PFN2: variants seen among roughly 807,000 people sequenced by gnomAD.
PFN2 encodes the protein profilin-2.
Under a neutral mutation model 15.3 loss-of-function variants are expected in PFN2, and 8 were observed. The ratio of observed to expected loss-of-function variants is 0.52; its 90% CI spans 0.31 to 0.95. PFN2 has a LOEUF of 0.95. Ranked by LOEUF, PFN2 falls within the 40% of genes least tolerant of loss-of-function variation. The pLI is 0.05. For synonymous variants in PFN2, 79 were observed against 67.9 expected, an observed-to-expected ratio of 1.16 and a Z score of -0.81; for missense variants, 111 against 182.3, an observed-to-expected ratio of 0.61 and a Z score of 2.25.
At chr3:149,969,929 T>C (rs543850699) in intron 1 of PFN2, among the ~76,000 whole-genome samples, 2 of 152,128 alleles carry the variant, frequency 1.3e-5, no homozygotes, top group African/African-American at 2.4e-5. Flanking sequence ...TCGCAGATAA[T>C]TGAAAGCCCC....
intron 1 of PFN2, 184 bp from the exon 2 acceptor site, chr3:149,968,734 A>C: frequency 1.8e-6 from 1 of 560,216 alleles, no homozygotes. Flanking sequence ...ATCCTATATA[A>C]TCACATATTT....
chr3:149,965,628 A>C lies in PFN2; in HGVS notation c.*861T>G. ...TGCAGCTCTCAATAGCTCATCAACA[A>C]AAGGGATTTTAATTGGTTAAAAAAA... On this transcript the variant is annotated 3_prime_UTR_variant, in exon 3 of 3. Transcript: ENST00000239940. 2 of 1,084,038 alleles carry C rather than the reference A, an allele frequency of 1.8e-6. No homozygotes were observed. Among genetic ancestry groups the C allele is most frequent in the East Asian group, 5.8e-5 (1 of 17,154 alleles). The allele number at this position is 1,084,038 out of a possible 1,614,324, so 67.2% of individuals were successfully genotyped here.
At chr3:149,969,952 C>T (rs1722802585) in intron 1 of PFN2, among the ~76,000 whole-genome samples, 1 of 151,812 alleles carries the variant, frequency 6.6e-6, no homozygotes, top group South Asian at 2.1e-4. Flanking sequence ...AAAAGCACCC[C>T]TTTTTTGAGC....
Position 149,966,414 on chromosome 3 carries a change from G to A in PFN2, c.*75C>T, listed in dbSNP as rs942037089. ...CCCTGCATTGCTAATAAAATTTCCA[G>A]AATTAAGACTTAAGCTTATAGCTAG... On this transcript the variant is annotated 3_prime_UTR_variant, in exon 3 of 3. Transcript: ENST00000239940. 1 of 1,596,720 alleles carries A rather than the reference G, an allele frequency of 6.3e-7. No individual in the cohort carries two copies. The highest frequency in any genetic ancestry group is 8.5e-7 in the Non-Finnish European group (1 of 1,173,796).
intron 2 of PFN2, among the ~76,000 whole-genome samples, chr3:149,967,664 C>G (rs977748819): frequency 6.6e-6 from 1 of 152,172 alleles, no homozygotes; most frequent in Non-Finnish European, 1.5e-5. Flanking sequence ...CATAATAAAA[C>G]TCAATTTCAA....
In PFN2 at chr3:149,965,486, T is replaced by C. The variant is rs1274685017; in HGVS notation, c.*1003A>G. 6.1e-5 allele frequency: 86 copies of C among 1,415,898 alleles called. No homozygotes were observed. The highest frequency in any genetic ancestry group is 4.1e-4 in the Middle Eastern group (2 of 4,852). The allele number at this position is 1,415,898 out of a possible 1,614,324, so 87.7% of individuals were successfully genotyped here. On this transcript the variant is annotated 3_prime_UTR_variant, in exon 3 of 3. Transcript: ENST00000239940. ...AATCAGTATGGTTACTGTAAGGTCATGGGAGGAAGTGCTTTTTGCTCTTGT... is the reference window on the plus strand; with the variant it reads ...AATCAGTATGGTTACTGTAAGGTCACGGGAGGAAGTGCTTTTTGCTCTTGT...
chr3:149,968,833 C>T (rs1722764164), intron 1 of PFN2: 2 of 359,536 alleles, frequency 5.6e-6, no homozygotes, highest in East Asian at 1.0e-4. Context: ...TGACAGTTGA[C>T]ACTAGACAAA....
chr3:149,965,122 A>G lies in PFN2; in HGVS notation c.*1367T>C, dbSNP rs917894118. On this transcript the variant is annotated 3_prime_UTR_variant, in exon 3 of 3. Transcript: ENST00000239940. The stretch of plus-strand genomic sequence containing the variant: ...GAAGCAAATACTAGAATGTCCCTAA[A>G]GTAGTGCCATTCGAAAGAAACCCTT... The G allele has an allele frequency of 1.1e-6, 1 of 873,564 alleles. No homozygotes were observed. The highest frequency in any genetic ancestry group is 1.7e-5 in the African/African-American group (1 of 58,778). 54.1% of individuals were successfully genotyped at this position (873,564 alleles called of 1,614,324 possible).
At chr3:149,968,693 C>T (rs1722758725) in intron 1 of PFN2, 143 bp from the exon 2 acceptor site, 2 of 636,000 alleles carry the variant, frequency 3.1e-6, no homozygotes, top group Admixed American at 2.9e-5. Flanking sequence ...AATGTAAAAC[C>T]AAGATTCAGT....
chr3:149,968,584 A>G, intron 1 of PFN2, 34 bp from the exon 2 acceptor site: 2 of 1,548,348 alleles, frequency 1.3e-6, no homozygotes, highest in Non-Finnish European at 8.8e-7. Context: ...AAAAAAACAC[A>G]CACACATTAA....
chr3:149,968,618 C>T lies in PFN2; in HGVS notation c.133-68G>A. ...AAGTTGTAGTTAACTCCTTTTAGGG[C>T]TTGATGTAACAGGAAGGGCTGTAGC... On this transcript the variant is annotated intron_variant, in intron 1 of 2. Transcript: ENST00000239940. The T allele has an allele frequency of 3.0e-6, 4 of 1,355,194 alleles. No individual in the cohort carries two copies. The South Asian group carries it at 5.3e-5, about 18-fold the overall frequency. The allele number at this position is 1,355,194 out of a possible 1,614,324, so 83.9% of individuals were successfully genotyped here. A position where few individuals can be genotyped will look rare whatever the true frequency, so the allele number is the denominator to read the frequency against.
intron 2 of PFN2, 104 bp from the exon 3 acceptor site, chr3:149,966,690 T>C (rs937550599): frequency 4.6e-6 from 4 of 871,544 alleles, no homozygotes; most frequent in African/African-American, 3.4e-5. Flanking sequence ...ATTAAGTTAG[T>C]TTTCCATGAA....
rs757351147 is a variant in PFN2, at chr3:149,965,286, A to G, written c.*1203T>C. The G allele has an allele frequency of 3.3e-6, 5 of 1,535,362 alleles. No individual in the cohort carries two copies. The South Asian group carries it at 6.0e-5, about 18-fold the overall frequency. ...AACTTCATATAAAAACTCAAGCTGC[A>G]AATAAAAATTGGTCCTATGAAGAAC... On this transcript the variant is annotated 3_prime_UTR_variant, in exon 3 of 3. Coordinates refer to ENST00000239940, the MANE Select transcript of PFN2 (RefSeq NM_053024.4).
At chr3:149,967,116 AATT>A (rs915169112) in intron 2 of PFN2, among the ~76,000 whole-genome samples, 1 of 152,100 alleles carries the variant, frequency 6.6e-6, no homozygotes, top group African/African-American at 2.4e-5. Flanking sequence ...GGCCAAATTA[AATT>A]ATTTAAGGTG....
intron 1 of PFN2, among the ~76,000 whole-genome samples, chr3:149,969,551 C>G (rs983209502): frequency 3.3e-5 from 5 of 152,140 alleles, no homozygotes; most frequent in African/African-American, 1.2e-4. Flanking sequence ...CCTTAAAGTA[C>G]TACTATCAAG....
chr3:149,966,379 T>C lies in PFN2; in HGVS notation c.*110A>G. On this transcript the variant is annotated 3_prime_UTR_variant, in exon 3 of 3. Coordinates refer to ENST00000239940, the MANE Select transcript of PFN2 (RefSeq NM_053024.4). ...GGGATACAAAGGAGACACAGGTTCA[T>C]ACCCCATCACCCTGCATTGCTAATA... is the stretch of plus-strand genomic sequence containing the variant. The C allele has an allele frequency of 1.3e-6, 2 of 1,588,746 alleles. No individual in the cohort carries two copies. The highest frequency in any genetic ancestry group is 1.7e-6 in the Non-Finnish European group (2 of 1,169,454).
intron 1 of PFN2, chr3:149,970,466 C>T: frequency 3.5e-6 from 1 of 289,182 alleles, no homozygotes. Flanking sequence ...TGGACCGACG[C>T]TGGGAACGCC....
intron 2 of PFN2, 57 bp from the exon 3 acceptor site, chr3:149,966,643 A>T: frequency 7.7e-7 from 1 of 1,294,126 alleles, no homozygotes. Flanking sequence ...AAAGTCACAT[A>T]AGTTTTAGCA....
Position 149,970,891 on chromosome 3 carries a change from G to C in PFN2, c.-35C>G, listed in dbSNP as rs926349029. 7.7e-7 allele frequency: 1 copy of C among 1,291,540 alleles called. No homozygotes were observed. Among genetic ancestry groups the C allele is most frequent in the Non-Finnish European group, 9.9e-7 (1 of 1,005,928 alleles). The allele number at this position is 1,291,540 out of a possible 1,614,324, so 80.0% of individuals were successfully genotyped here. On this transcript the variant is annotated 5_prime_UTR_variant, in exon 1 of 3. Transcript: ENST00000239940. ...CTTCGCACTGCAGCGCGGACGGCGAGGAGCAGCAGGCGCAGCGGCGGCGGC... is the reference window on the plus strand; with the variant it reads ...CTTCGCACTGCAGCGCGGACGGCGACGAGCAGCAGGCGCAGCGGCGGCGGC...
Sources: allele counts gnomAD v4.1 joint callset (sites outside exome capture counted in the v4.1 genomes callset), GRCh38; gene constraint gnomAD v4.1.1; transcripts MANE v1.5; gene names NCBI Gene and HGNC (gene_info 2026-07-23, HGNC 2026-07-21).